The following PTK2 variants were observed in gnomAD, a reference collection of about 807,000 sequenced individuals.
PTK2 encodes focal adhesion kinase 1.
In PTK2, 45 loss-of-function variants were observed where a neutral mutation model predicts 150.1. The ratio of observed to expected loss-of-function variants is 0.30; its 90% CI spans 0.24 to 0.38. The LOEUF (loss-of-function observed/expected upper bound fraction) is 0.38, where lower values mean the gene tolerates loss of function less well. Ranked by LOEUF, PTK2 falls within the 10% of genes least tolerant of loss-of-function variation. The pLI is 1.00. For missense variants in PTK2, 919 were observed against 1,307.3 expected (o/e 0.70, Z 4.58); for synonymous variants, 432 against 449.2 (o/e 0.96, Z 0.48).
chr8:140,947,891 T>C (rs144739056), intron 1 of PTK2, among the ~76,000 whole-genome samples: 2 of 152,152 alleles, frequency 1.3e-5, no homozygotes, highest in African/African-American at 4.8e-5. Context: ...ATAATAATAA[T>C]AATAATTTTT....
At chr8:140,671,740 C>T (rs952026598) in intron 29 of PTK2, among the ~76,000 whole-genome samples, 4 of 145,538 alleles carry the variant, frequency 2.7e-5, no homozygotes, top group African/African-American at 5.1e-5. Flanking sequence ...GGTGAAACCC[C>T]GTCTCTACTA....
intron 26 of PTK2, among the ~76,000 whole-genome samples, chr8:140,697,742 A>G (rs901526636): frequency 6.7e-6 from 1 of 149,278 alleles, no homozygotes; most frequent in Admixed American, 6.7e-5. Context: ...TCATTCATAT[A>G]TATTTCTGTT....
chr8:140,885,554 A>C (rs556604807), intron 3 of PTK2, among the ~76,000 whole-genome samples: 1 of 152,338 alleles, frequency 6.6e-6, no homozygotes, highest in South Asian at 2.1e-4. Flanking sequence ...AAAAACAGCA[A>C]TGGTGAGGCA....
intron 5 of PTK2, among the ~76,000 whole-genome samples, chr8:140,850,396 A>G (rs897662030): frequency 6.6e-6 from 1 of 151,818 alleles, no homozygotes; most frequent in African/African-American, 2.4e-5. Context: ...ATTGCACTCC[A>G]GCCTGGGGGC....
At chr8:140,725,775 C>T (rs892216176) in intron 22 of PTK2, among the ~76,000 whole-genome samples, 4 of 150,588 alleles carry the variant, frequency 2.7e-5, no homozygotes, top group African/African-American at 9.8e-5. Flanking sequence ...CTGCTCACAG[C>T]GGAAAGAGGC....
At chr8:140,962,243 G>C (rs2100183480) in intron 1 of PTK2, among the ~76,000 whole-genome samples, 1 of 117,980 alleles carries the variant, frequency 8.5e-6, no homozygotes, top group South Asian at 3.2e-4. Flanking sequence ...AAGGAAGGAA[G>C]AAAGGAAGGG....
intron 26 of PTK2, among the ~76,000 whole-genome samples, chr8:140,687,904 C>G (rs1037165260): frequency 6.6e-6 from 1 of 152,148 alleles, no homozygotes; most frequent in Non-Finnish European, 1.5e-5. Context: ...TCCCCCTTTC[C>G]TTCCCTCCCA....
intron 22 of PTK2, among the ~76,000 whole-genome samples, chr8:140,719,138 T>C (rs985857078): frequency 1.3e-5 from 2 of 152,088 alleles, no homozygotes; most frequent in African/African-American, 4.8e-5. Context: ...ATCACGCCAC[T>C]GTACTCCAGC....
intron 1 of PTK2, among the ~76,000 whole-genome samples, chr8:140,997,623 A>T (rs1349770445): frequency 6.6e-6 from 1 of 152,250 alleles, no homozygotes; most frequent in African/African-American, 2.4e-5. Flanking sequence ...GAAGGCTCAG[A>T]TGATCAACAG....
chr8:140,912,905 C>T (rs2100163784), intron 2 of PTK2, among the ~76,000 whole-genome samples: 1 of 152,048 alleles, frequency 6.6e-6, no homozygotes, highest in East Asian at 1.9e-4. Context: ...GAGATCGTGC[C>T]ACTGCACTCC....
At chr8:140,900,337 A>G (rs1426670540) in intron 2 of PTK2, among the ~76,000 whole-genome samples, 1 of 152,222 alleles carries the variant, frequency 6.6e-6, no homozygotes. Context: ...CACATTTACA[A>G]CAGCTACAAA....
intron 14 of PTK2, among the ~76,000 whole-genome samples, chr8:140,787,154 G>C (rs2100085451): frequency 6.6e-6 from 1 of 152,176 alleles, no homozygotes; most frequent in Non-Finnish European, 1.5e-5. Flanking sequence ...AGAAGGTACT[G>C]AAGTATGAAC....
At chr8:140,751,981 T>C (rs748885357) in intron 17 of PTK2, 1 of 641,714 alleles carries the variant, frequency 1.6e-6, no homozygotes, top group Non-Finnish European at 2.9e-6. Context: ...CAAAGATGTG[T>C]AATGGCCTAA....
chr8:140,803,735 T>C, intron 10 of PTK2, 85 bp from the exon 11 acceptor site: 2 of 1,248,392 alleles, frequency 1.6e-6, no homozygotes, highest in Admixed American at 1.8e-5. Context: ...AAATCCTCGT[T>C]GTCCTGAAGA....
At chr8:140,876,474 CA>C (rs1218757876) in intron 4 of PTK2, among the ~76,000 whole-genome samples, 1 of 152,156 alleles carries the variant, frequency 6.6e-6, no homozygotes, top group Non-Finnish European at 1.5e-5. Flanking sequence ...TCTGGTACAA[CA>C]ATATTTTACT....
chr8:140,760,082 C>T (rs779682959), intron 16 of PTK2, among the ~76,000 whole-genome samples: 9 of 151,792 alleles, frequency 5.9e-5, no homozygotes, highest in Non-Finnish European at 1.0e-4. Context: ...ATTAGCTGGG[C>T]GTGGTGGAGC....
At chr8:140,658,152 T>C (rs1387534945) in exon 32 of PTK2, 4 of 152,656 alleles carry the variant, frequency 2.6e-5, no homozygotes, top group African/African-American at 7.2e-5. Flanking sequence ...TTGAAGACCA[T>C]TGCTACTTCC....
chr8:140,924,005 A>G (rs1484002104), intron 2 of PTK2, among the ~76,000 whole-genome samples: 1 of 152,116 alleles, frequency 6.6e-6, no homozygotes, highest in Non-Finnish European at 1.5e-5. Flanking sequence ...CTTAAAACTC[A>G]TCAACAGTTC....
At chr8:140,811,557 T>G (rs1455282323) in intron 10 of PTK2, among the ~76,000 whole-genome samples, 2 of 152,192 alleles carry the variant, frequency 1.3e-5, no homozygotes, top group Non-Finnish European at 2.9e-5. Flanking sequence ...GGTTCTGAAC[T>G]GGGTTGAGAT....
Sources: gnomAD v4.1 joint callset for allele counts (sites outside exome capture counted in the v4.1 genomes callset) on GRCh38, gnomAD v4.1.1 for gene constraint, MANE v1.5 for transcripts, NCBI Gene and HGNC (gene_info 2026-07-23, HGNC 2026-07-21) for gene names.